Variants in CASQ2 observed in about 807,000 individuals in gnomAD.
CASQ2 encodes calsequestrin-2.
In CASQ2, 49 loss-of-function variants were observed where a neutral mutation model predicts 46.5. The observed-to-expected ratio is 1.05, with a 90% CI of 0.84 to 1.34. The LOEUF is 1.34. Among genes scored for constraint, CASQ2 ranks in the 40% most tolerant of loss-of-function variants. The probability of loss-of-function intolerance (pLI) is 0.00; values close to 1 mark genes in which losing one functional copy is unlikely to be tolerated. For missense variants in CASQ2, 486 were observed against 481.3 expected, an observed-to-expected ratio of 1.01 and a Z score of -0.09; for synonymous variants, 174 against 168.5, an observed-to-expected ratio of 1.03 and a Z score of -0.25.
intron 5 of CASQ2, among the ~76,000 whole-genome samples, chr1:115,729,035 CTTTTTTTTTTT>C (rs753965730): frequency 2.9e-5 from 2 of 68,834 alleles, no homozygotes; most frequent in Non-Finnish European, 5.4e-5. Context: ...CTCTTTCATT[CTTTTTTTTTTT>C]TTTTTTTTTT....
At chr1:115,761,709 C>A (rs1415037162) in intron 1 of CASQ2, among the ~76,000 whole-genome samples, 1 of 151,686 alleles carries the variant, frequency 6.6e-6, no homozygotes, top group African/African-American at 2.4e-5. Context: ...AGACTGAAAG[C>A]AGAAGCATCA....
In CASQ2 at chr1:115,735,611, G is replaced by A. The variant is rs186488962; in HGVS notation, c.532+2613C>T. ...ATTAAATTTTAAGAATGATTATTAA[G>A]ATCAGTAGAGCAATATCTGTGTATT... On this transcript the variant is annotated intron_variant, in intron 4 of 10. Coordinates refer to ENST00000261448, the MANE Select transcript of CASQ2 (RefSeq NM_001232.4). 1.7e-3 allele frequency among the ~76,000 whole-genome samples: 262 copies of A among 152,284 alleles called. 1 individual carries two copies. The Middle Eastern group carries it at 0.02, about 12-fold the overall frequency.
intron 2 of CASQ2, among the ~76,000 whole-genome samples, chr1:115,742,877 C>T (rs900265175): frequency 6.6e-6 from 1 of 152,050 alleles, no homozygotes; most frequent in Non-Finnish European, 1.5e-5. Flanking sequence ...CAAGCTCTGC[C>T]TCCCAGGTTC....
chr1:115,756,458 T>C (rs904693350), intron 1 of CASQ2, among the ~76,000 whole-genome samples: 4 of 152,170 alleles, frequency 2.6e-5, no homozygotes, highest in African/African-American at 9.7e-5. Context: ...AGCTGACAAT[T>C]ATGCAAAAAT....
At chr1:115,766,958 G>A (rs986341493) in intron 1 of CASQ2, among the ~76,000 whole-genome samples, 9 of 152,052 alleles carry the variant, frequency 5.9e-5, no homozygotes, top group Non-Finnish European at 1.0e-4. Flanking sequence ...AAAAAAATTA[G>A]AATCAGAAAT....
At chr1:115,747,653 G>A (rs557017481) in intron 1 of CASQ2, among the ~76,000 whole-genome samples, 63 of 152,190 alleles carry the variant, frequency 4.1e-4, no homozygotes, top group African/African-American at 1.5e-3. Context: ...TCTTTCATCA[G>A]CATTGTATAG....
chr1:115,729,283 C>T (rs1462769209), intron 5 of CASQ2, among the ~76,000 whole-genome samples: 1 of 152,042 alleles, frequency 6.6e-6, no homozygotes, highest in Non-Finnish European at 1.5e-5. Flanking sequence ...CTACTGACCT[C>T]AGGTGATCCA....
At chr1:115,750,896 C>CTGTAGGTATGTATCGCACCCACAGGA (rs1648557837) in intron 1 of CASQ2, among the ~76,000 whole-genome samples, 1 of 150,982 alleles carries the variant, frequency 6.6e-6, no homozygotes, top group Admixed American at 6.6e-5. Context: ...AGATTGTATC[C>CTGTAGGTATGTATCGCACCCACAGGA]TGTAGGTATG....
At chr1:115,751,623 G>A (rs943263678) in intron 1 of CASQ2, among the ~76,000 whole-genome samples, 2 of 151,858 alleles carry the variant, frequency 1.3e-5, no homozygotes, top group African/African-American at 4.8e-5. Context: ...AGTGAGCCGA[G>A]ATTGCGCCAC....
intron 8 of CASQ2, among the ~76,000 whole-genome samples, chr1:115,710,530 C>A (rs913794087): frequency 1.3e-5 from 2 of 152,316 alleles, no homozygotes. Flanking sequence ...AAAGCTTCAA[C>A]ATCAGGGAAG....
intron 5 of CASQ2, 62 bp from the exon 6 acceptor site, chr1:115,727,184 G>T (rs1647625362): frequency 2.4e-6 from 3 of 1,247,660 alleles, no homozygotes; most frequent in African/African-American, 1.5e-5. Flanking sequence ...GCAGTGTGTT[G>T]TCCATCTAAG....
At chr1:115,744,954 A>G (rs1337145756) in intron 1 of CASQ2, 42 bp from the exon 2 acceptor site, 2 of 1,362,232 alleles carry the variant, frequency 1.5e-6, no homozygotes. Flanking sequence ...AAGGGCAGAA[A>G]GATGGTAGAA....
At position 115,725,557 on chromosome 1, in the gene CASQ2, G is replaced by GAAAAA. The variant is rs56889721; in HGVS notation, c.738-9_738-5dup. On this transcript the variant is annotated splice_region_variant and splice_polypyrimidine_tract_variant and intron_variant, in intron 6 of 10. Transcript: ENST00000261448. Reference sequence around the variant, plus strand: ...GCGCAGGCGACGTAGAGTGGGTCTGGAAAAAAAAAAAAAAAAAAAAAAAGA... The same window carrying GAAAAA: ...GCGCAGGCGACGTAGAGTGGGTCTGGAAAAAAAAAAAAAAAAAAAAAAAAAAAAGA... The GAAAAA allele has an allele frequency of 2.4e-4, 332 of 1,402,514 alleles. 12 individuals carry two copies. The highest frequency in any genetic ancestry group is 1.3e-3 in the Middle Eastern group (5 of 3,902). The allele number at this position is 1,402,514 out of a possible 1,614,324, so 86.9% of individuals were successfully genotyped here. A position where few individuals can be genotyped will look rare whatever the true frequency, so the allele number is the denominator to read the frequency against.
Position 115,768,238 on chromosome 1 carries a change from C to G in CASQ2, c.234+70G>C, listed in dbSNP as rs886189285. 5.9e-6 allele frequency: 6 copies of G among 1,008,614 alleles called. No homozygotes were observed. The African/African-American group carries it at 9.5e-5, about 16-fold the overall frequency. 62.5% of individuals were successfully genotyped at this position (1,008,614 alleles called of 1,614,324 possible). ...CTGCATCCTCGTTCCCATATCCCAA[C>G]CCCTGGCCAAAGGCATTCCCTCGGC... On this transcript the variant is annotated intron_variant, in intron 1 of 10. Coordinates refer to ENST00000261448, the MANE Select transcript of CASQ2 (RefSeq NM_001232.4).
chr1:115,747,178 C>CT (rs925364481), intron 1 of CASQ2, among the ~76,000 whole-genome samples: 7 of 151,956 alleles, frequency 4.6e-5, no homozygotes, highest in African/African-American at 1.7e-4. Context: ...GTTCCTTTTT[C>CT]TTTTTTTGCC....
chr1:115,705,802 A>C (rs1431852156), intron 8 of CASQ2, among the ~76,000 whole-genome samples: 1 of 152,110 alleles, frequency 6.6e-6, no homozygotes, highest in Non-Finnish European at 1.5e-5. Flanking sequence ...TGAGATAGTA[A>C]ATGGGGCTTC....
At chr1:115,713,418 C>T (rs1654607822) in intron 8 of CASQ2, among the ~76,000 whole-genome samples, 1 of 152,136 alleles carries the variant, frequency 6.6e-6, no homozygotes, top group African/African-American at 2.4e-5. Context: ...AGAGATCTGG[C>T]GATTAGGCTC....
intron 8 of CASQ2, among the ~76,000 whole-genome samples, chr1:115,714,740 A>G (rs1223433078): frequency 1.3e-5 from 2 of 152,222 alleles, no homozygotes; most frequent in Non-Finnish European, 2.9e-5. Context: ...TTTCACAGAC[A>G]AGTCTTTCCC....
intron 8 of CASQ2, among the ~76,000 whole-genome samples, chr1:115,716,506 GTAAA>G (rs1231164815): frequency 6.6e-6 from 1 of 152,052 alleles, no homozygotes; most frequent in Non-Finnish European, 1.5e-5. Context: ...GGCAAAATAG[GTAAA>G]TAAACTTTTA....
Sources: gnomAD v4.1 joint callset for allele counts (sites outside exome capture counted in the v4.1 genomes callset) on GRCh38, gnomAD v4.1.1 for gene constraint, MANE v1.5 for transcripts, NCBI Gene and HGNC (gene_info 2026-07-23, HGNC 2026-07-21) for gene names.